Variants in CTNNA2 observed in about 807,000 individuals in gnomAD.
The protein encoded by CTNNA2 is catenin alpha-2.
In CTNNA2, 42 loss-of-function variants were observed where a neutral mutation model predicts 101.0. The ratio of observed to expected loss-of-function variants is 0.42; its 90% CI spans 0.32 to 0.54. The LOEUF is 0.54. Among genes scored for constraint, CTNNA2 ranks in the 20% least tolerant of loss-of-function variants. The probability of loss-of-function intolerance (pLI) is 0.14; values close to 1 mark genes in which losing one functional copy is unlikely to be tolerated. For missense variants in CTNNA2, 871 were observed against 1,223.1 expected (o/e 0.71, Z 4.29); for synonymous variants, 450 against 456.4 (o/e 0.99, Z 0.18).
At chr2:79,969,315 C>T (rs919553974) in intron 7 of CTNNA2, among the ~76,000 whole-genome samples, 2 of 152,164 alleles carry the variant, frequency 1.3e-5, no homozygotes, top group African/African-American at 4.8e-5. Context: ...TTTCTTGTGC[C>T]TCTTTTGGAG....
intron 6 of CTNNA2, among the ~76,000 whole-genome samples, chr2:79,904,289 G>A (rs182083900): frequency 1.5e-4 from 23 of 152,164 alleles, no homozygotes; most frequent in Non-Finnish European, 3.2e-4. Flanking sequence ...TTGAAGAAAG[G>A]ATTATTTAAT....
chr2:80,467,474 A>C (rs983283555), intron 9 of CTNNA2, among the ~76,000 whole-genome samples: 1 of 152,128 alleles, frequency 6.6e-6, no homozygotes, highest in Non-Finnish European at 1.5e-5. Context: ...TGAGACCATA[A>C]TTAGTTCAAA....
chr2:79,445,548 T>C (rs1678823573), intron 4 of CTNNA2, among the ~76,000 whole-genome samples: 1 of 152,186 alleles, frequency 6.6e-6, no homozygotes, highest in Admixed American at 6.5e-5. Flanking sequence ...TCGGATGTTA[T>C]GCAATTTTCC....
chr2:80,307,760 C>T (rs1486393389), intron 7 of CTNNA2, among the ~76,000 whole-genome samples: 4 of 152,198 alleles, frequency 2.6e-5, no homozygotes, highest in Non-Finnish European at 5.9e-5. Context: ...AGCTGAACCG[C>T]TATAGCTGCA....
chr2:80,643,495 G>T (rs1673711824), intron 18 of CTNNA2, among the ~76,000 whole-genome samples: 1 of 152,054 alleles, frequency 6.6e-6, no homozygotes, highest in Non-Finnish European at 1.5e-5. Flanking sequence ...AAAATAAGCA[G>T]TTTCTCTTAG....
At chr2:79,384,536 G>T (rs920003053) in intron 4 of CTNNA2, among the ~76,000 whole-genome samples, 3 of 151,810 alleles carry the variant, frequency 2.0e-5, no homozygotes, top group African/African-American at 4.8e-5. Context: ...TGTCAAAGTA[G>T]CTGTGATATA....
intron 1 of CTNNA2, among the ~76,000 whole-genome samples, chr2:79,643,205 A>G (rs1328829609): frequency 6.6e-6 from 1 of 152,150 alleles, no homozygotes; most frequent in Non-Finnish European, 1.5e-5. Flanking sequence ...AAAAATTAAC[A>G]GAAAATTAGA....
At chr2:79,773,101 C>T (rs1673710382) in intron 3 of CTNNA2, among the ~76,000 whole-genome samples, 1 of 152,124 alleles carries the variant, frequency 6.6e-6, no homozygotes, top group Admixed American at 6.5e-5. Context: ...CATGTGGAAA[C>T]AGCCATGAAG....
At chr2:79,847,540 C>A in intron 3 of CTNNA2, among the ~76,000 whole-genome samples, 3 of 18,438 alleles carry the variant, frequency 1.6e-4, no homozygotes, top group Non-Finnish European at 2.2e-4. Context: ...GAGACTCTGT[C>A]TCAAAAAAAA....
At chr2:80,257,173 T>C (rs1672234673) in intron 7 of CTNNA2, among the ~76,000 whole-genome samples, 1 of 152,140 alleles carries the variant, frequency 6.6e-6, no homozygotes, top group African/African-American at 2.4e-5. Context: ...CTAATTCTTC[T>C]TACCTACCAT....
intron 1 of CTNNA2, among the ~76,000 whole-genome samples, chr2:79,598,212 T>C (rs1252705061): frequency 6.6e-6 from 1 of 152,242 alleles, no homozygotes; most frequent in African/African-American, 2.4e-5. Flanking sequence ...ACTCACATAA[T>C]GAAGGACATC....
intron 3 of CTNNA2, among the ~76,000 whole-genome samples, chr2:79,754,074 G>A (rs905558763): frequency 6.6e-6 from 1 of 151,874 alleles, no homozygotes; most frequent in African/African-American, 2.4e-5. Flanking sequence ...TCACCATGTT[G>A]GCCAAGCTGG....
At chr2:79,612,817 T>G (rs1469964425) in intron 1 of CTNNA2, among the ~76,000 whole-genome samples, 2 of 152,174 alleles carry the variant, frequency 1.3e-5, no homozygotes, top group African/African-American at 2.4e-5. Context: ...TTACCTGTTT[T>G]AACTGTTACC....
intron 2 of CTNNA2, among the ~76,000 whole-genome samples, chr2:79,660,263 GT>G (rs990097928): frequency 6.7e-6 from 1 of 149,146 alleles, no homozygotes; most frequent in African/African-American, 2.5e-5. Flanking sequence ...ACATATGTAT[GT>G]ATATACACAT....
chr2:80,178,949 AT>A (rs1705579787), intron 7 of CTNNA2, among the ~76,000 whole-genome samples: 1 of 152,206 alleles, frequency 6.6e-6, no homozygotes, highest in Non-Finnish European at 1.5e-5. Context: ...ACTGGATCCA[AT>A]CAGCGTAATA....
At chr2:80,166,385 C>G (rs964621712) in intron 7 of CTNNA2, among the ~76,000 whole-genome samples, 1 of 152,122 alleles carries the variant, frequency 6.6e-6, no homozygotes, top group African/African-American at 2.4e-5. Context: ...TTTAATCAAC[C>G]ATGCCTAGGC....
Position 79,967,064 on chromosome 2 carries a change from C to A in CTNNA2, c.1056+57267C>A, listed in dbSNP as rs543589882. ...CATTCATGACTTCCAAGTTTATAACCCCAGCCCTGACTTCTCTGTGCTCAA... is the reference window on the plus strand; with the variant it reads ...CATTCATGACTTCCAAGTTTATAACACCAGCCCTGACTTCTCTGTGCTCAA... On this transcript the variant is annotated intron_variant, in intron 7 of 18. Transcript: ENST00000402739. 3.3e-5 allele frequency among the ~76,000 whole-genome samples: 5 copies of A among 152,086 alleles called. No homozygotes were observed. The South Asian group carries it at 1.0e-3, about 32-fold the overall frequency.
At chr2:79,813,556 C>A (rs115237618) in intron 3 of CTNNA2, among the ~76,000 whole-genome samples, 2,151 of 152,134 alleles carry the variant, frequency 0.014, 56 homozygotes, top group African/African-American at 0.049. Context: ...TTCACTATAC[C>A]TTCAATTCAA....
At chr2:80,348,781 G>T (rs1673020567) in intron 7 of CTNNA2, among the ~76,000 whole-genome samples, 1 of 151,930 alleles carries the variant, frequency 6.6e-6, no homozygotes, top group Non-Finnish European at 1.5e-5. Flanking sequence ...AAGCAGAGAA[G>T]TTAGGGGAAT....
Sources: gnomAD v4.1 joint callset for allele counts (sites outside exome capture counted in the v4.1 genomes callset) on GRCh38, gnomAD v4.1.1 for gene constraint, MANE v1.5 for transcripts, NCBI Gene and HGNC (gene_info 2026-07-23, HGNC 2026-07-21) for gene names.